DPYD: variants seen among roughly 807,000 people sequenced by gnomAD.
DPYD encodes the protein dihydropyrimidine dehydrogenase [NADP(+)].
Under a neutral mutation model 116.2 loss-of-function variants are expected in DPYD, and 109 were observed. That is an observed-to-expected ratio of 0.94 (90% CI 0.80 to 1.10). The LOEUF is 1.10. DPYD is among the 50% of genes least tolerant of loss of function. The pLI is 0.00. For missense variants in DPYD, 1,302 were observed against 1,254.5 expected (o/e 1.04, Z -0.57); for synonymous variants, 440 against 432.0 (o/e 1.02, Z -0.23).
chr1:97,751,354 A>G (rs1664867711), intron 3 of DPYD, among the ~76,000 whole-genome samples: 3 of 146,286 alleles, frequency 2.1e-5, no homozygotes, highest in African/African-American at 7.5e-5. Context: ...ACATATATAC[A>G]TATATATAAA....
intron 14 of DPYD, among the ~76,000 whole-genome samples, chr1:97,397,285 T>C (rs1159653089): frequency 1.3e-5 from 2 of 151,854 alleles, no homozygotes; most frequent in African/African-American, 4.8e-5. Context: ...AGTCATGTAG[T>C]AGTAGTAGCA....
At chr1:97,503,488 A>C (rs1679711496) in intron 13 of DPYD, among the ~76,000 whole-genome samples, 1 of 152,030 alleles carries the variant, frequency 6.6e-6, no homozygotes, top group Non-Finnish European at 1.5e-5. Context: ...AGAGATACTA[A>C]GCAGGCCCCT....
chr1:97,210,906 A>G (rs571881794), intron 19 of DPYD, among the ~76,000 whole-genome samples: 2 of 152,292 alleles, frequency 1.3e-5, no homozygotes, highest in South Asian at 4.1e-4. Flanking sequence ...CTTCAAGTAT[A>G]TATCGTGAAT....
intron 18 of DPYD, among the ~76,000 whole-genome samples, chr1:97,286,130 C>T (rs1468466449): frequency 1.3e-5 from 2 of 152,164 alleles, no homozygotes; most frequent in Non-Finnish European, 2.9e-5. Flanking sequence ...GAGAAAATCT[C>T]TCAGCATTTG....
chr1:97,497,513 T>C (rs943714756), intron 13 of DPYD, among the ~76,000 whole-genome samples: 26 of 151,928 alleles, frequency 1.7e-4, no homozygotes, highest in African/African-American at 6.0e-4. Context: ...CTGTCAATTA[T>C]ATTAACCAGT....
chr1:97,809,551 C>T lies in DPYD; in HGVS notation c.233+18563G>A, dbSNP rs142858407. Among the ~76,000 whole-genome samples the T allele has an allele frequency of 2.6e-3, 401 of 152,026 alleles. 9 individuals are homozygous for T. The highest frequency in any genetic ancestry group is 9.1e-3 in the African/African-American group (379 of 41,442). On this transcript the variant is annotated intron_variant, in intron 3 of 22. Coordinates refer to ENST00000370192, the MANE Select transcript of DPYD (RefSeq NM_000110.4). ...TTTCCGATTGACTGAGTGTAGAATA[C>T]GAGGGATGGTTTAAAAAAGACTAGA...
intron 16 of DPYD, among the ~76,000 whole-genome samples, chr1:97,345,260 AAAG>A (rs1230828755): frequency 6.6e-6 from 1 of 151,928 alleles, no homozygotes; most frequent in Non-Finnish European, 1.5e-5. Context: ...ATATGGACAA[AAAG>A]AAGATGAAAA....
In DPYD at chr1:97,193,268, CAACCAAGTGTCA is replaced by C; in HGVS notation, c.2443-32_2443-21del. ...GCATACCTAGAAAAGACAGAGCAGT[CAACCAAGTGTCA>C]AACCAAGAGATAATTCTCCAAACAA... On this transcript the variant is annotated intron_variant, in intron 19 of 22. Transcript: ENST00000370192. 1 of 1,610,438 alleles carries C rather than the reference CAACCAAGTGTCA, an allele frequency of 6.2e-7. No individual in the cohort carries two copies. The highest frequency in any genetic ancestry group is 8.5e-7 in the Non-Finnish European group (1 of 1,177,940).
intron 21 of DPYD, among the ~76,000 whole-genome samples, chr1:97,094,746 C>G (rs1458415478): frequency 1.3e-5 from 2 of 152,082 alleles, no homozygotes; most frequent in Admixed American, 6.6e-5. Context: ...ATAGTTGAGT[C>G]ATTGTGTAGG....
chr1:97,083,103 C>A (rs1222063305), intron 21 of DPYD, among the ~76,000 whole-genome samples: 1 of 152,106 alleles, frequency 6.6e-6, no homozygotes, highest in African/African-American at 2.4e-5. Context: ...TCTTCATTCA[C>A]CATTGAAGAT....
intron 13 of DPYD, among the ~76,000 whole-genome samples, chr1:97,492,045 C>T (rs1260393806): frequency 6.6e-6 from 1 of 152,064 alleles, no homozygotes; most frequent in Admixed American, 6.6e-5. Flanking sequence ...TTCATTTCCA[C>T]TTGTCAAAGG....
chr1:97,908,557 T>C (rs142066548), intron 1 of DPYD, among the ~76,000 whole-genome samples: 1 of 152,202 alleles, frequency 6.6e-6, no homozygotes, highest in Non-Finnish European at 1.5e-5. Flanking sequence ...TTGGCTCATT[T>C]AGCATCTGCC....
intron 2 of DPYD, among the ~76,000 whole-genome samples, chr1:97,842,546 T>C (rs989008581): frequency 2.6e-5 from 4 of 152,068 alleles, no homozygotes; most frequent in South Asian, 2.1e-4. Flanking sequence ...CAGGAACTTA[T>C]GTTGCATAAT....
intron 14 of DPYD, among the ~76,000 whole-genome samples, chr1:97,385,372 G>A (rs572050558): frequency 2.1e-5 from 3 of 145,546 alleles, no homozygotes; most frequent in Middle Eastern, 7.8e-3. Flanking sequence ...TGGGGAATGG[G>A]CAGAGCCCTG....
intron 16 of DPYD, among the ~76,000 whole-genome samples, chr1:97,367,337 GTGAAAGAATTATCAAAGTATTGCTC>G (rs1347214840): frequency 6.6e-6 from 1 of 151,040 alleles, no homozygotes; most frequent in African/African-American, 2.4e-5. Context: ...AGAACAGATC[GTGAAAGAATTATCAAAGTATTGCTC>G]TGGGTGGTAT....
chr1:97,545,160 C>T (rs1007123741), intron 12 of DPYD, among the ~76,000 whole-genome samples: 2 of 151,940 alleles, frequency 1.3e-5, no homozygotes, highest in African/African-American at 4.8e-5. Context: ...AGCTATGTAC[C>T]GTTTTGTCTT....
chr1:97,403,487 T>C (rs1167219884), intron 14 of DPYD, among the ~76,000 whole-genome samples: 1 of 152,096 alleles, frequency 6.6e-6, no homozygotes, highest in Non-Finnish European at 1.5e-5. Context: ...ATTGATTTGA[T>C]TTCTTTAATA....
At chr1:97,259,729 T>C (rs1473071200) in intron 18 of DPYD, among the ~76,000 whole-genome samples, 9 of 152,148 alleles carry the variant, frequency 5.9e-5, no homozygotes, top group Non-Finnish European at 4.4e-5. Context: ...AAAACAATTA[T>C]AGTAACATCA....
chr1:97,742,056 T>C (rs1664298061), intron 3 of DPYD, among the ~76,000 whole-genome samples: 1 of 151,956 alleles, frequency 6.6e-6, no homozygotes, highest in African/African-American at 2.4e-5. Flanking sequence ...TGGTCTAGCA[T>C]AAAGTGAGAG....
Sources: allele counts gnomAD v4.1 joint callset (sites outside exome capture counted in the v4.1 genomes callset), GRCh38; gene constraint gnomAD v4.1.1; transcripts MANE v1.5; gene names NCBI Gene and HGNC (gene_info 2026-07-23, HGNC 2026-07-21).